RBFOX1: variants seen among roughly 807,000 people sequenced by gnomAD.
RBFOX1 encodes RNA binding protein fox-1 homolog 1.
In RBFOX1, 8 loss-of-function variants were observed where a neutral mutation model predicts 57.7. That is an observed-to-expected ratio of 0.14 (90% CI 0.08 to 0.25). RBFOX1 has a LOEUF of 0.25. RBFOX1 is among the 10% of genes least tolerant of loss of function. The pLI is 1.00. For synonymous variants in RBFOX1, 326 were observed against 222.4 expected (o/e 1.47, Z -4.15); for missense variants, 611 against 548.5 (o/e 1.11, Z -1.14).
In RBFOX1 at chr16:5,680,490, G is replaced by T. The variant is rs377693856; in HGVS notation, c.318+81529G>T. Among the ~76,000 whole-genome samples, 12 of 152,308 alleles carry T rather than the reference G, an allele frequency of 7.9e-5. 1 individual carries two copies. Among genetic ancestry groups the T allele is most frequent in the Admixed American group, 4.6e-4 (7 of 15,294 alleles). On this transcript the variant is annotated intron_variant, in intron 3 of 19. Coordinates refer to the RBFOX1 transcript ENST00000641259. ...CTCTTTAAAGACTGAGACTCCCAGT[G>T]AGTCAAGCTATTAGGTTTCTGGTTC...
chr16:7,534,309 T>C (rs1464959930), intron 5 of RBFOX1, among the ~76,000 whole-genome samples: 1 of 151,866 alleles, frequency 6.6e-6, no homozygotes, highest in Non-Finnish European at 1.5e-5. Flanking sequence ...GCCAGGCTGG[T>C]CTCGAACTCC....
At chr16:6,220,960 GTGTGTGTGTGTA>G (rs1344113795) in intron 1 of RBFOX1, among the ~76,000 whole-genome samples, 1 of 151,808 alleles carries the variant, frequency 6.6e-6, no homozygotes, top group Non-Finnish European at 1.5e-5. Context: ...TTCACTCTGT[GTGTGTGTGTGTA>G]TGTGTGTGTG....
At chr16:6,147,153 C>T (rs577892388) in intron 1 of RBFOX1, among the ~76,000 whole-genome samples, 1 of 152,128 alleles carries the variant, frequency 6.6e-6, no homozygotes, top group Non-Finnish European at 1.5e-5. Flanking sequence ...CTTTTCCATC[C>T]CACTCCAACT....
chr16:5,312,669 G>C (rs1463772172), intron 1 of RBFOX1, among the ~76,000 whole-genome samples: 1 of 152,142 alleles, frequency 6.6e-6, no homozygotes, highest in African/African-American at 2.4e-5. Flanking sequence ...TAGGAGTTCT[G>C]AGGACACCCA....
intron 3 of RBFOX1, among the ~76,000 whole-genome samples, chr16:5,673,118 G>A (rs985426022): frequency 2.0e-5 from 3 of 152,040 alleles, no homozygotes; most frequent in Non-Finnish European, 2.9e-5. Flanking sequence ...AGCAGGGCAC[G>A]CATTTTCCTG....
In RBFOX1 at chr16:6,785,738, A is replaced by G. The variant is rs73530747; in HGVS notation, c.-16+131088A>G. On this transcript the variant is annotated intron_variant, in intron 3 of 15. Transcript: ENST00000550418. ...AATATCATATGAATATGAAATACCA[A>G]TTCCACTATTGTTATCATCATTTTC... 1.6e-3 allele frequency among the ~76,000 whole-genome samples: 238 copies of G among 152,320 alleles called. 3 individuals carry two copies. The highest frequency in any genetic ancestry group is 5.5e-3 in the African/African-American group (229 of 41,564).
intron 2 of RBFOX1, among the ~76,000 whole-genome samples, chr16:6,537,985 TTCTA>T (rs1049713573): frequency 6.6e-6 from 1 of 151,932 alleles, no homozygotes; most frequent in Non-Finnish European, 1.5e-5. Flanking sequence ...TGCAGATTAA[TTCTA>T]TCTTTGTTTA....
intron 1 of RBFOX1, among the ~76,000 whole-genome samples, chr16:5,457,069 T>G (rs1233365021): frequency 6.6e-6 from 1 of 152,190 alleles, no homozygotes. Context: ...GAGGACTCGC[T>G]TCCTGGTTTG....
In RBFOX1 at chr16:5,820,360, G is replaced by C. The variant is rs368941668; in HGVS notation, c.319-46943G>C. 7.9e-5 allele frequency among the ~76,000 whole-genome samples: 12 copies of C among 152,272 alleles called. 1 individual carries two copies. The East Asian group carries it at 1.2e-3, about 15-fold the overall frequency. On this transcript the variant is annotated intron_variant, in intron 3 of 19. Coordinates refer to the RBFOX1 transcript ENST00000641259. ...ACTGTCTTTATATAAATCCTGCAAG[G>C]GGGGAGGCAGGAACAGATGACATTG...
intron 1 of RBFOX1, among the ~76,000 whole-genome samples, chr16:6,054,619 A>G (rs1258569792): frequency 2.0e-5 from 3 of 152,198 alleles, no homozygotes; most frequent in African/African-American, 7.2e-5. Context: ...GAAAAAAATC[A>G]TGAGTTTCTT....
At chr16:5,579,896 A>C (rs2046603991) in intron 2 of RBFOX1, among the ~76,000 whole-genome samples, 1 of 151,678 alleles carries the variant, frequency 6.6e-6, no homozygotes, top group Non-Finnish European at 1.5e-5. Flanking sequence ...AGTAGCTGGG[A>C]TTACAGGTGC....
intron 3 of RBFOX1, among the ~76,000 whole-genome samples, chr16:5,862,486 A>C (rs576038559): frequency 1.6e-4 from 25 of 152,260 alleles, no homozygotes; most frequent in Non-Finnish European, 3.1e-4. Flanking sequence ...GGTGACCTGC[A>C]TCAATCAGTG....
chr16:5,567,359 T>C (rs2046108953), intron 2 of RBFOX1, among the ~76,000 whole-genome samples: 3 of 152,170 alleles, frequency 2.0e-5, no homozygotes. Context: ...ACGTGTATCA[T>C]TCTGTACAAT....
At chr16:7,346,294 G>A (rs1238938008) in intron 4 of RBFOX1, among the ~76,000 whole-genome samples, 1 of 151,978 alleles carries the variant, frequency 6.6e-6, no homozygotes, top group Non-Finnish European at 1.5e-5. Flanking sequence ...ACCATGATGT[G>A]TCAGCAACGA....
chr16:6,235,558 A>G (rs867722163), intron 1 of RBFOX1, among the ~76,000 whole-genome samples: 15 of 147,256 alleles, frequency 1.0e-4, no homozygotes, highest in African/African-American at 3.1e-4. Context: ...GCGTGTATGT[A>G]TGTGTGTGTG....
chr16:6,721,759 T>C (rs574747794), intron 3 of RBFOX1: 2 of 152,308 alleles, frequency 1.3e-5, no homozygotes, highest in African/African-American at 2.4e-5. Flanking sequence ...ATTAATTTTT[T>C]GACCCAGGCA....
chr16:5,569,616 A>G (rs942673107), intron 2 of RBFOX1, among the ~76,000 whole-genome samples: 1 of 151,934 alleles, frequency 6.6e-6, no homozygotes, highest in African/African-American at 2.4e-5. Context: ...AGAGAGAGAT[A>G]AAATAAAGTC....
chr16:5,330,011 G>A (rs2064703961), intron 1 of RBFOX1, among the ~76,000 whole-genome samples: 3 of 151,548 alleles, frequency 2.0e-5, no homozygotes, highest in Admixed American at 2.0e-4. Flanking sequence ...AAAGACCGAT[G>A]CGGTGTCTGA....
chr16:6,577,381 C>A (rs1348730425), intron 2 of RBFOX1: 1 of 152,216 alleles, frequency 6.6e-6, no homozygotes, highest in East Asian at 1.9e-4. Context: ...TCAGTAGGAG[C>A]TTATTAAATA....
Sources: gnomAD v4.1 joint callset for allele counts (sites outside exome capture counted in the v4.1 genomes callset) on GRCh38, gnomAD v4.1.1 for gene constraint, MANE v1.5 for transcripts, NCBI Gene and HGNC (gene_info 2026-07-23, HGNC 2026-07-21) for gene names.